OR3A2: variants seen among roughly 807,000 people sequenced by gnomAD.
OR3A2 encodes the protein olfactory receptor 3A2.
For synonymous variants in OR3A2, 126 were observed against 159.3 expected, an observed-to-expected ratio of 0.79 and a Z score of 1.57; for missense variants, 318 against 392.8, an observed-to-expected ratio of 0.81 and a Z score of 1.61.
At chr17:3,309,974 G>A in intron 3 of OR3A2, 1 of 215,188 alleles carries the variant, frequency 4.6e-6, no homozygotes, top group Admixed American at 5.2e-5. Context: ...GTAGACTTGG[G>A]GTTTCCTCCC....
chr17:3,290,193 C>A (rs2048852815), intron 3 of OR3A2, among the ~76,000 whole-genome samples: 2 of 152,172 alleles, frequency 1.3e-5, no homozygotes, highest in Admixed American at 6.5e-5. Flanking sequence ...ATCAGGAGTG[C>A]TGGAATTGGT....
Position 3,292,020 on chromosome 17 carries a change from A to G in OR3A2, c.-84-12867T>C, listed in dbSNP as rs531008041. The G allele has an allele frequency of 2.5e-6, 4 of 1,614,116 alleles. No individual in the cohort carries two copies. In the African/African-American group the frequency reaches 4.0e-5, roughly 16 times the overall value. On this transcript the variant is annotated intron_variant, in intron 3 of 4. Coordinates refer to the OR3A2 transcript ENST00000573491. ...TTGGGTGCTGGAGCAGGAGAGCTGG[A>G]AGAGCTGTGGGAGGTCACAGTAGAA... is the stretch of plus-strand genomic sequence containing the variant.
intron 3 of OR3A2, among the ~76,000 whole-genome samples, chr17:3,321,286 C>A (rs1430658116): frequency 6.6e-6 from 1 of 151,972 alleles, no homozygotes; most frequent in Non-Finnish European, 1.5e-5. Context: ...TGGGCTGAGA[C>A]AATGGAGTTT....
intron 3 of OR3A2, among the ~76,000 whole-genome samples, chr17:3,299,894 C>T (rs964772737): frequency 7.9e-5 from 12 of 152,252 alleles, no homozygotes; most frequent in African/African-American, 2.6e-4. Flanking sequence ...AGGGGATCAA[C>T]AAATATTAAT....
intron 3 of OR3A2, among the ~76,000 whole-genome samples, chr17:3,320,922 A>G (rs1170153495): frequency 2.0e-5 from 3 of 151,944 alleles, no homozygotes; most frequent in Non-Finnish European, 4.4e-5. Flanking sequence ...GAAGAAAGTC[A>G]TTGGTAGCTT....
intron 3 of OR3A2, among the ~76,000 whole-genome samples, chr17:3,308,347 G>A (rs141183846): frequency 1.4e-4 from 22 of 152,186 alleles, no homozygotes; most frequent in East Asian, 7.7e-4. Flanking sequence ...CTGCTGGGCC[G>A]GCGGGACTGT....
chr17:3,316,399 G>A (rs914976965), intron 3 of OR3A2, among the ~76,000 whole-genome samples: 1 of 152,112 alleles, frequency 6.6e-6, no homozygotes, highest in African/African-American at 2.4e-5. Context: ...ATCTACATAT[G>A]TCTACTTGGA....
intron 3 of OR3A2, among the ~76,000 whole-genome samples, chr17:3,329,923 G>C (rs1170467817): frequency 3.7e-5 from 5 of 136,740 alleles, no homozygotes; most frequent in Non-Finnish European, 6.2e-5. Flanking sequence ...CTTTGTTCTC[G>C]TTGGTTTCAA....
chr17:3,383,938 CA>C (rs1363399549), intron 1 of OR3A2: 4 of 139,112 alleles, frequency 2.9e-5, no homozygotes, highest in African/African-American at 8.5e-5. Context: ...ATATTGTATA[CA>C]AATATTTATT....
chr17:3,284,822 A>G (rs913845601), upstream of OR3A2, among the ~76,000 whole-genome samples: 2 of 120,512 alleles, frequency 1.7e-5, no homozygotes, highest in Non-Finnish European at 3.4e-5. Context: ...GGGCTTTCTA[A>G]GGGGATATTT....
At chr17:3,346,678 C>A (rs576450110) in intron 2 of OR3A2, among the ~76,000 whole-genome samples, 1 of 151,818 alleles carries the variant, frequency 6.6e-6, no homozygotes, top group African/African-American at 2.4e-5. Context: ...TCCATCCGCA[C>A]CTCTCCATCT....
At chr17:3,338,188 T>C (rs956144905) in intron 2 of OR3A2, among the ~76,000 whole-genome samples, 1 of 152,174 alleles carries the variant, frequency 6.6e-6, no homozygotes, top group Admixed American at 6.5e-5. Flanking sequence ...GTCAGATGGG[T>C]AGATTGCAAA....
intron 3 of OR3A2, among the ~76,000 whole-genome samples, chr17:3,316,258 C>G (rs1364731292): frequency 2.6e-5 from 4 of 152,182 alleles, no homozygotes; most frequent in Non-Finnish European, 4.4e-5. Context: ...CCCAGCCATC[C>G]TAACTGAGAT....
At chr17:3,353,738 A>G (rs1258922162) in intron 2 of OR3A2, among the ~76,000 whole-genome samples, 4 of 151,820 alleles carry the variant, frequency 2.6e-5, no homozygotes, top group African/African-American at 7.2e-5. Context: ...TTGTTTTGAT[A>G]CAGGCGTGCA....
intron 3 of OR3A2, among the ~76,000 whole-genome samples, chr17:3,332,089 T>C (rs1274622240): frequency 1.3e-5 from 2 of 152,122 alleles, no homozygotes; most frequent in African/African-American, 2.4e-5. Flanking sequence ...TCTCCAGCTG[T>C]GTGCTGGGAG....
chr17:3,297,360 C>T lies in OR3A2; in HGVS notation c.-84-18207G>A, dbSNP rs2048927545. ...TACCTCTCATTTGCCCTTTCCCATCCACTTTAACTCAGGTTGTAAGGTTTT... is the reference window on the plus strand; with the variant it reads ...TACCTCTCATTTGCCCTTTCCCATCTACTTTAACTCAGGTTGTAAGGTTTT... On this transcript the variant is annotated intron_variant, in intron 3 of 4. Coordinates refer to the OR3A2 transcript ENST00000573491. 2.0e-5 allele frequency among the ~76,000 whole-genome samples: 3 copies of T among 152,204 alleles called. No individual in the cohort carries two copies. The South Asian group carries it at 6.2e-4, about 32-fold the overall frequency.
At chr17:3,280,446 G>C (rs1020537982) in intron 1 of OR3A2, among the ~76,000 whole-genome samples, 1 of 151,840 alleles carries the variant, frequency 6.6e-6, no homozygotes, top group Admixed American at 6.6e-5. Flanking sequence ...TAATTTTTTT[G>C]TATTTTTAGT....
intron 2 of OR3A2, among the ~76,000 whole-genome samples, chr17:3,339,431 T>C (rs955176408): frequency 6.6e-6 from 1 of 152,238 alleles, no homozygotes; most frequent in Non-Finnish European, 1.5e-5. Flanking sequence ...TTATCTCTTA[T>C]TATTTTGAGA....
chr17:3,360,449 T>C (rs1049661071), intron 2 of OR3A2, among the ~76,000 whole-genome samples: 5 of 151,764 alleles, frequency 3.3e-5, no homozygotes, highest in Non-Finnish European at 7.3e-5. Context: ...ATTTTGGCTT[T>C]TGTTGCCATT....
Sources: gnomAD v4.1 joint callset for allele counts (sites outside exome capture counted in the v4.1 genomes callset) on GRCh38, gnomAD v4.1.1 for gene constraint, MANE v1.5 for transcripts, NCBI Gene and HGNC (gene_info 2026-07-23, HGNC 2026-07-21) for gene names.